The following ENOX2 variants were observed in gnomAD, a reference collection of about 807,000 sequenced individuals.
ENOX2 encodes the protein ecto-NOX disulfide-thiol exchanger 2.
In ENOX2, 36 loss-of-function variants were observed where a neutral mutation model predicts 45.0. The ratio of observed to expected loss-of-function variants is 0.80; its 90% CI spans 0.61 to 1.06. The LOEUF is 1.06. Among genes scored for constraint, ENOX2 ranks in the 50% least tolerant of loss-of-function variants. The pLI is 0.00. For synonymous variants in ENOX2, 174 were observed against 152.3 expected (o/e 1.14, Z -1.05); for missense variants, 423 against 462.5 (o/e 0.91, Z 0.78).
chrX:130,847,783 G>A (rs2078135763), intron 2 of ENOX2, among the ~76,000 whole-genome samples: 2 of 112,284 alleles, frequency 1.8e-5, no homozygotes, highest in African/African-American at 6.5e-5. Context: ...AATGTTCAAT[G>A]ATTCTATTGT....
At position 130,624,031 on chromosome X, in the gene ENOX2, T is replaced by C. The variant is rs1457829789; in HGVS notation, c.*1283A>G. ...GCTCAGTACATTCTTTTATCTTCAA[T>C]TGAGACTCAAGGGAGGGTATGCTTG... On this transcript the variant is annotated 3_prime_UTR_variant, in exon 15 of 15. Transcript: ENST00000394363. The C allele has an allele frequency of 1.8e-5, 2 of 111,491 alleles. No homozygotes were observed. Among genetic ancestry groups the C allele is most frequent in the African/African-American group, 6.5e-5 (2 of 30,708 alleles). The allele number at this position is 111,491 out of a possible 1,213,427, so 9.2% of individuals were successfully genotyped here. A position where few individuals can be genotyped will look rare whatever the true frequency, so the allele number is the denominator to read the frequency against.
At chrX:130,832,846 C>T (rs1165453856) in intron 2 of ENOX2, among the ~76,000 whole-genome samples, 1 of 110,952 alleles carries the variant, frequency 9.0e-6, no homozygotes, top group Non-Finnish European at 1.9e-5. Flanking sequence ...ACACACCACC[C>T]CCTTTTAGCA....
chrX:130,740,112 T>C (rs1285638113), intron 3 of ENOX2, among the ~76,000 whole-genome samples: 1 of 112,107 alleles, frequency 8.9e-6, no homozygotes, highest in African/African-American at 3.2e-5. Context: ...CTCACAAAGA[T>C]TCATAAGTGG....
intron 3 of ENOX2, among the ~76,000 whole-genome samples, chrX:130,735,803 G>A (rs923293249): frequency 2.7e-5 from 3 of 111,475 alleles, no homozygotes; most frequent in African/African-American, 9.8e-5. Context: ...GAATGATGAT[G>A]TAATCTATCT....
At position 130,623,342 on chromosome X, in the gene ENOX2, T is replaced by C. The variant is rs1277721059; in HGVS notation, c.*1972A>G. 1 of 111,141 alleles carries C rather than the reference T, an allele frequency of 9.0e-6. No individual in the cohort carries two copies. Among genetic ancestry groups the C allele is most frequent in the Non-Finnish European group, 1.9e-5 (1 of 53,070 alleles). The allele number at this position is 111,141 out of a possible 1,213,427, so 9.2% of individuals were successfully genotyped here. ...GCTTTAAAAATTTTTTTTAATGTATTAATATCATGGTAAGGAGTTTGATTT... is the reference window on the plus strand; with the variant it reads ...GCTTTAAAAATTTTTTTTAATGTATCAATATCATGGTAAGGAGTTTGATTT... On this transcript the variant is annotated 3_prime_UTR_variant, in exon 15 of 15. Transcript: ENST00000394363.
intron 2 of ENOX2, among the ~76,000 whole-genome samples, chrX:130,816,191 A>G (rs1396360867): frequency 2.7e-5 from 3 of 112,334 alleles, no homozygotes; most frequent in Non-Finnish European, 5.6e-5. Context: ...AGTATGGTAA[A>G]GGGATCAATG....
chrX:130,632,008 T>C (rs2035752016), intron 12 of ENOX2, among the ~76,000 whole-genome samples: 1 of 110,845 alleles, frequency 9.0e-6, no homozygotes, highest in South Asian at 3.9e-4. Flanking sequence ...CATCCCACTG[T>C]TAAAAGGACC....
chrX:130,896,385 C>T (rs1007284640), intron 2 of ENOX2, among the ~76,000 whole-genome samples: 3 of 110,894 alleles, frequency 2.7e-5, no homozygotes, highest in East Asian at 5.6e-4. Context: ...CACATCCCCA[C>T]GGGTACATAT....
intron 2 of ENOX2, among the ~76,000 whole-genome samples, chrX:130,898,301 G>C (rs1003259505): frequency 8.9e-6 from 1 of 112,283 alleles, no homozygotes; most frequent in African/African-American, 3.2e-5. Flanking sequence ...AAGCCACTGT[G>C]CCTGGTCAAA....
At chrX:130,887,656 G>GGGTGGAGGAGGTTGGAGAGCA (rs2078929787) in intron 2 of ENOX2, among the ~76,000 whole-genome samples, 1 of 111,658 alleles carries the variant, frequency 9.0e-6, no homozygotes, top group African/African-American at 3.3e-5. Context: ...GGAGGGGGTG[G>GGGTGGAGGAGGTTGGAGAGCA]GGTGGAGGAG....
At chrX:130,858,348 C>T (rs1031102466) in intron 2 of ENOX2, among the ~76,000 whole-genome samples, 1 of 110,210 alleles carries the variant, frequency 9.1e-6, no homozygotes, top group Non-Finnish European at 1.9e-5. Context: ...GAACTCCTGA[C>T]CTCAGGTGAT....
intron 14 of ENOX2, among the ~76,000 whole-genome samples, chrX:130,626,520 T>C (rs1034273213): frequency 8.9e-6 from 1 of 112,485 alleles, no homozygotes; most frequent in Admixed American, 9.4e-5. Flanking sequence ...TAAGATAATG[T>C]GCATGTATTA....
At chrX:130,876,545 G>C (rs981869026) in intron 2 of ENOX2, among the ~76,000 whole-genome samples, 1 of 111,511 alleles carries the variant, frequency 9.0e-6, no homozygotes, top group Non-Finnish European at 1.9e-5. Context: ...TTTGGTGAGG[G>C]TTGCACAACC....
At chrX:130,695,191 T>C (rs1193597965) in intron 4 of ENOX2, among the ~76,000 whole-genome samples, 1 of 111,697 alleles carries the variant, frequency 9.0e-6, no homozygotes, top group Admixed American at 9.5e-5. Flanking sequence ...CTTCAAACCT[T>C]CCTATCCAGG....
At chrX:130,889,513 A>G (rs758053231) in intron 2 of ENOX2, among the ~76,000 whole-genome samples, 13 of 111,652 alleles carry the variant, frequency 1.2e-4, no homozygotes, top group African/African-American at 2.9e-4. Flanking sequence ...TATTAATCAC[A>G]TAACAGGTAA....
At position 130,881,067 on chromosome X, in the gene ENOX2, G is replaced by A. The variant is rs748138363; in HGVS notation, c.-183+20617C>T. On this transcript the variant is annotated intron_variant, in intron 2 of 14. Transcript: ENST00000394363. Reference sequence around the variant, plus strand: ...CCAAACCTTCTTGAGCTGCACTGACGGTACTACATCCAGTAGCCACATGTG... The same window carrying A: ...CCAAACCTTCTTGAGCTGCACTGACAGTACTACATCCAGTAGCCACATGTG... Among the ~76,000 whole-genome samples, 5 of 111,929 alleles carry A rather than the reference G, an allele frequency of 4.5e-5. No individual in the cohort carries two copies. The East Asian group carries it at 8.4e-4, about 19-fold the overall frequency.
At chrX:130,754,269 A>G (rs2039296599) in intron 3 of ENOX2, among the ~76,000 whole-genome samples, 1 of 112,381 alleles carries the variant, frequency 8.9e-6, no homozygotes, top group African/African-American at 3.2e-5. Flanking sequence ...GTGCCAGTTG[A>G]ACACATGAAT....
intron 3 of ENOX2, among the ~76,000 whole-genome samples, chrX:130,737,456 G>A (rs1246411503): frequency 2.8e-5 from 3 of 107,232 alleles, no homozygotes; most frequent in Admixed American, 9.9e-5. Flanking sequence ...GCGTGCGCAC[G>A]CACACACACA....
rs2035466384 is a variant in ENOX2, at chrX:130,623,341, TTAATA to T, written c.*1968_*1972del. ...TGCTTTAAAAATTTTTTTTAATGTA[TTAATA>T]TCATGGTAAGGAGTTTGATTTTTTT... is the stretch of plus-strand genomic sequence containing the variant. On this transcript the variant is annotated 3_prime_UTR_variant, in exon 15 of 15. Transcript: ENST00000394363. 1 of 111,178 alleles carries T rather than the reference TTAATA, an allele frequency of 9.0e-6. No individual in the cohort carries two copies. Among genetic ancestry groups the T allele is most frequent in the South Asian group, 3.8e-4 (1 of 2,606 alleles). The allele number at this position is 111,178 out of a possible 1,213,427, so 9.2% of individuals were successfully genotyped here.
Sources: gnomAD v4.1 joint callset for allele counts (sites outside exome capture counted in the v4.1 genomes callset) on GRCh38, gnomAD v4.1.1 for gene constraint, MANE v1.5 for transcripts, NCBI Gene and HGNC (gene_info 2026-07-23, HGNC 2026-07-21) for gene names.